STK39: variants seen among roughly 807,000 people sequenced by gnomAD.
STK39 encodes the protein serine/threonine kinase 39, also known as STE20/SPS1-related proline-alanine-rich protein kinase.
In STK39, 20 loss-of-function variants were observed where a neutral mutation model predicts 77.8. The observed-to-expected ratio is 0.26, with a 90% CI of 0.18 to 0.37. The LOEUF is 0.37. Ranked by LOEUF, STK39 falls within the 10% of genes least tolerant of loss-of-function variation. The pLI, the probability that STK39 is intolerant of heterozygous loss-of-function variation, is 1.00. For synonymous variants in STK39, 246 were observed against 234.1 expected (o/e 1.05, Z -0.47); for missense variants, 479 against 656.5 (o/e 0.73, Z 2.95).
At chr2:168,224,658 A>G (rs936739133) in intron 1 of STK39, among the ~76,000 whole-genome samples, 3 of 152,206 alleles carry the variant, frequency 2.0e-5, no homozygotes, top group Non-Finnish European at 4.4e-5. Context: ...TCTCCTAACT[A>G]ATAAGGAGCA....
intron 16 of STK39, among the ~76,000 whole-genome samples, chr2:168,008,224 C>T (rs1559054560): frequency 6.6e-6 from 1 of 152,174 alleles, no homozygotes; most frequent in Non-Finnish European, 1.5e-5. Context: ...AGTACAGAAG[C>T]TGGAATGGCA....
chr2:168,059,649 G>C (rs972192895), intron 14 of STK39, among the ~76,000 whole-genome samples: 1 of 152,144 alleles, frequency 6.6e-6, no homozygotes, highest in East Asian at 1.9e-4. Context: ...GCGAGACACT[G>C]AGCAGACTAT....
rs1684174885 is a variant in STK39 at position 168,008,025 on chromosome 2, T to C, written c.1498+4609A>G. Among the ~76,000 whole-genome samples the C allele has an allele frequency of 2.6e-5, 4 of 152,152 alleles. 1 individual carries two copies. The South Asian group carries it at 8.3e-4, about 32-fold the overall frequency. ...TTCATCACCCCAAAAAGAAACCCCA[T>C]ACTTAGTAGTCACTCCCCTGCCCCC... On this transcript the variant is annotated intron_variant, in intron 16 of 17. Transcript: ENST00000355999.
intron 16 of STK39, among the ~76,000 whole-genome samples, chr2:168,005,939 AC>A (rs1337303753): frequency 6.6e-6 from 1 of 152,224 alleles, no homozygotes; most frequent in Non-Finnish European, 1.5e-5. Context: ...AACATCTATC[AC>A]TAAAGTAAGT....
At chr2:168,185,260 A>G (rs4668044) in intron 1 of STK39, among the ~76,000 whole-genome samples, 51,177 of 152,124 alleles carry the variant, frequency 0.34, 9,112 homozygotes, top group East Asian at 0.46. Flanking sequence ...TTTCAAGTGC[A>G]ATAAATCATT....
chr2:167,956,698 T>TCACACACACA (rs1559032284), intron 17 of STK39, among the ~76,000 whole-genome samples: 3 of 71,830 alleles, frequency 4.2e-5, no homozygotes, highest in African/African-American at 1.9e-4. Context: ...ACACACACAC[T>TCACACACACA]CTCTCTCTCT....
At chr2:168,138,838 C>T (rs13382596) in intron 7 of STK39, among the ~76,000 whole-genome samples, 5,336 of 152,032 alleles carry the variant, frequency 0.035, 277 homozygotes, top group East Asian at 0.24. Flanking sequence ...TTGCTGCTTT[C>T]GGAGGGGGAC....
At chr2:168,013,496 C>T (rs1420128787) in intron 15 of STK39, among the ~76,000 whole-genome samples, 1 of 152,202 alleles carries the variant, frequency 6.6e-6, no homozygotes, top group Non-Finnish European at 1.5e-5. Flanking sequence ...CACGTTTTTA[C>T]AAGGGAGCTG....
chr2:168,004,897 T>G (rs1186343466), intron 16 of STK39, among the ~76,000 whole-genome samples: 1 of 151,888 alleles, frequency 6.6e-6, no homozygotes, highest in African/African-American at 2.4e-5. Context: ...AACGTGCATT[T>G]TTAATAAGCA....
chr2:168,242,194 T>C lies in STK39; in HGVS notation c.208+5034A>G, dbSNP rs189233194. On this transcript the variant is annotated intron_variant, in intron 1 of 17. Transcript: ENST00000355999. ...GTATTTATCTTGTAAATATAATTAATGCTACTGAATTGCACACTTTAAGAA... is the reference window on the plus strand; with the variant it reads ...GTATTTATCTTGTAAATATAATTAACGCTACTGAATTGCACACTTTAAGAA... 2.4e-3 allele frequency among the ~76,000 whole-genome samples: 360 copies of C among 152,230 alleles called. 2 individuals are homozygous for C. Among genetic ancestry groups the C allele is most frequent in the African/African-American group, 8.0e-3 (333 of 41,532 alleles).
chr2:168,161,613 G>T (rs1003538842), intron 5 of STK39, among the ~76,000 whole-genome samples, 174 bp downstream of exon 5: 2 of 152,088 alleles, frequency 1.3e-5, no homozygotes, highest in African/African-American at 4.8e-5. Flanking sequence ...ATGATCTAAT[G>T]ACTTATCAAA....
chr2:168,053,289 A>G (rs1173768824), intron 14 of STK39, among the ~76,000 whole-genome samples: 4 of 152,252 alleles, frequency 2.6e-5, no homozygotes, highest in Non-Finnish European at 5.9e-5. Context: ...TCGATATGAA[A>G]AGGTATCCAG....
At chr2:168,222,412 AGAG>A (rs1308761028) in intron 1 of STK39, among the ~76,000 whole-genome samples, 2 of 152,218 alleles carry the variant, frequency 1.3e-5, no homozygotes, top group African/African-American at 2.4e-5. Context: ...AGAAAGAACG[AGAG>A]GAGTAGTAAG....
chr2:167,989,479 T>C (rs1683643451), intron 16 of STK39, among the ~76,000 whole-genome samples: 1 of 152,136 alleles, frequency 6.6e-6, no homozygotes, highest in African/African-American at 2.4e-5. Context: ...ACAAGATAAA[T>C]GAAATCAAGA....
chr2:167,981,548 A>C (rs1261106802), intron 16 of STK39, among the ~76,000 whole-genome samples: 1 of 152,246 alleles, frequency 6.6e-6, no homozygotes. Context: ...AATTCTAGGA[A>C]AGTGAAAAGA....
At chr2:168,032,959 T>TC (rs1684864804) in intron 14 of STK39, among the ~76,000 whole-genome samples, 1 of 152,212 alleles carries the variant, frequency 6.6e-6, no homozygotes, top group Non-Finnish European at 1.5e-5. Context: ...AAAAGGATGG[T>TC]AAAGGTTAAC....
At chr2:168,139,153 A>G (rs932848361) in intron 7 of STK39, among the ~76,000 whole-genome samples, 4 of 152,216 alleles carry the variant, frequency 2.6e-5, no homozygotes, top group African/African-American at 9.6e-5. Context: ...GAAAAGTCCT[A>G]GAGGACGTCA....
chr2:168,120,736 T>G (rs1687384190), intron 10 of STK39, among the ~76,000 whole-genome samples: 1 of 152,224 alleles, frequency 6.6e-6, no homozygotes, highest in South Asian at 2.1e-4. Context: ...TATTATGTAT[T>G]ACCTAATTTA....
At chr2:168,195,484 A>C (rs974029025) in intron 1 of STK39, among the ~76,000 whole-genome samples, 1 of 152,154 alleles carries the variant, frequency 6.6e-6, no homozygotes, top group Non-Finnish European at 1.5e-5. Context: ...TAATTTAATA[A>C]AGTCTGGTCG....
Sources: gnomAD v4.1 joint callset for allele counts (sites outside exome capture counted in the v4.1 genomes callset) on GRCh38, gnomAD v4.1.1 for gene constraint, MANE v1.5 for transcripts, NCBI Gene and HGNC (gene_info 2026-07-23, HGNC 2026-07-21) for gene names.